STX8: variants seen among roughly 807,000 people sequenced by gnomAD.
STX8 encodes the protein syntaxin 8, also known as syntaxin-8.
STX8 carries 23 observed loss-of-function variants against 37.5 expected under a neutral mutation model. The ratio of observed to expected loss-of-function variants is 0.61; its 90% CI spans 0.44 to 0.87. The LOEUF is 0.87. Ranked by LOEUF, STX8 falls within the 40% of genes least tolerant of loss-of-function variation. The probability of loss-of-function intolerance (pLI) is 0.00; values close to 1 mark genes in which losing one functional copy is unlikely to be tolerated. For missense variants in STX8, 313 were observed against 284.7 expected (o/e 1.10, Z -0.71); for synonymous variants, 115 against 99.1 (o/e 1.16, Z -0.95).
chr17:9,431,570 C>T (rs1913984874), intron 6 of STX8, among the ~76,000 whole-genome samples: 1 of 152,172 alleles, frequency 6.6e-6, no homozygotes. Context: ...GCTGGGATTA[C>T]AGGCGTGAGC....
chr17:9,540,668 C>T (rs558750361), intron 4 of STX8: 7 of 152,214 alleles, frequency 4.6e-5, no homozygotes, highest in Admixed American at 1.3e-4. Context: ...TGTGTTATGT[C>T]CACGTCTACC....
intron 7 of STX8, among the ~76,000 whole-genome samples, chr17:9,279,152 G>A (rs1394193379): frequency 6.6e-6 from 1 of 151,656 alleles, no homozygotes; most frequent in Non-Finnish European, 1.5e-5. Flanking sequence ...CAACCTCCCG[G>A]GTTCAAGCAA....
intron 6 of STX8, among the ~76,000 whole-genome samples, chr17:9,400,910 A>C (rs1370324725): frequency 1.3e-5 from 2 of 152,172 alleles, no homozygotes; most frequent in African/African-American, 4.8e-5. Context: ...ATTATAGAAA[A>C]TGCTGTACAG....
At chr17:9,566,414 A>G (rs1289448729) in intron 2 of STX8, among the ~76,000 whole-genome samples, 1 of 152,250 alleles carries the variant, frequency 6.6e-6, no homozygotes, top group Non-Finnish European at 1.5e-5. Flanking sequence ...CAACGTACTA[A>G]AAACAGAAAT....
At chr17:9,434,908 G>A (rs1904370979) in intron 6 of STX8, among the ~76,000 whole-genome samples, 2 of 152,182 alleles carry the variant, frequency 1.3e-5, no homozygotes, top group Admixed American at 6.5e-5. Flanking sequence ...CCCATGGCAT[G>A]TTGCCACGGC....
intron 6 of STX8, among the ~76,000 whole-genome samples, chr17:9,462,532 G>A (rs1046735398): frequency 6.6e-6 from 1 of 152,114 alleles, no homozygotes; most frequent in African/African-American, 2.4e-5. Flanking sequence ...GACCAGCCTG[G>A]CCAACGTGGT....
intron 7 of STX8, among the ~76,000 whole-genome samples, chr17:9,343,045 CT>C: frequency 7.4e-6 from 1 of 134,430 alleles, no homozygotes; most frequent in East Asian, 2.1e-4. Flanking sequence ...AAAAAAAAAG[CT>C]GCAAATGTGA....
chr17:9,416,581 C>T (rs561609719), intron 6 of STX8, among the ~76,000 whole-genome samples: 1 of 152,018 alleles, frequency 6.6e-6, no homozygotes, highest in East Asian at 1.9e-4. Context: ...CTTGGCCAGG[C>T]TGGCCTTGAA....
chr17:9,575,028 AAT>A (rs1907845365), intron 1 of STX8, among the ~76,000 whole-genome samples: 1 of 152,220 alleles, frequency 6.6e-6, no homozygotes, highest in South Asian at 2.1e-4. Flanking sequence ...ATAGAGCTGT[AAT>A]ATGTTTTTAA....
At chr17:9,459,084 G>A (rs1905275751) in intron 6 of STX8, among the ~76,000 whole-genome samples, 1 of 152,004 alleles carries the variant, frequency 6.6e-6, no homozygotes, top group African/African-American at 2.4e-5. Flanking sequence ...CGCCTGCCTT[G>A]GCCTCCCAAA....
chr17:9,268,204 G>T (rs1907299448), intron 7 of STX8, among the ~76,000 whole-genome samples: 1 of 151,506 alleles, frequency 6.6e-6, no homozygotes, highest in African/African-American at 2.4e-5. Context: ...CTGGTCAACT[G>T]CTAACCTTTC....
At chr17:9,273,773 G>C (rs1314740302) in intron 7 of STX8, among the ~76,000 whole-genome samples, 1 of 152,246 alleles carries the variant, frequency 6.6e-6, no homozygotes, top group East Asian at 1.9e-4. Flanking sequence ...CTGCCTTGGC[G>C]ATTTCCCACG....
chr17:9,414,136 A>G (rs1913094395), intron 6 of STX8, among the ~76,000 whole-genome samples: 8 of 10,914 alleles, frequency 7.3e-4, no homozygotes, highest in South Asian at 2.5e-3. Flanking sequence ...CCAACCATCC[A>G]TCCATCCATC....
chr17:9,252,075 C>T (rs768968381), intron 7 of STX8, among the ~76,000 whole-genome samples: 26 of 151,912 alleles, frequency 1.7e-4, no homozygotes, highest in Non-Finnish European at 3.4e-4. Context: ...GAGGCCGAGG[C>T]GGGCAGATCA....
intron 7 of STX8, among the ~76,000 whole-genome samples, chr17:9,373,904 A>G (rs921377056): frequency 6.7e-6 from 1 of 149,872 alleles, no homozygotes; most frequent in Non-Finnish European, 1.5e-5. Context: ...GCACCATTGC[A>G]TTCCAGTCAG....
chr17:9,256,662 T>C (rs2142121218), intron 7 of STX8, among the ~76,000 whole-genome samples: 1 of 152,270 alleles, frequency 6.6e-6, no homozygotes, highest in East Asian at 1.9e-4. Flanking sequence ...ACTCCCCCAC[T>C]ACCCACATAA....
chr17:9,463,783 C>T (rs1268186145), intron 6 of STX8, among the ~76,000 whole-genome samples: 1 of 152,110 alleles, frequency 6.6e-6, no homozygotes, highest in East Asian at 1.9e-4. Context: ...TGGCGCATGC[C>T]TGTAATCCCA....
chr17:9,287,755 C>CT (rs1039946832), intron 7 of STX8, among the ~76,000 whole-genome samples: 17 of 149,052 alleles, frequency 1.1e-4, no homozygotes, highest in East Asian at 2.0e-4. Flanking sequence ...TTTTTACATT[C>CT]TTTTTTTTTT....
At chr17:9,377,119 T>TA (rs1415577248) in intron 7 of STX8, among the ~76,000 whole-genome samples, 16 of 152,042 alleles carry the variant, frequency 1.1e-4, no homozygotes, top group African/African-American at 3.1e-4. Flanking sequence ...CCTTCTTTCT[T>TA]ACTGAGCAAA....
Sources: gnomAD v4.1 joint callset for allele counts (sites outside exome capture counted in the v4.1 genomes callset) on GRCh38, gnomAD v4.1.1 for gene constraint, MANE v1.5 for transcripts, NCBI Gene and HGNC (gene_info 2026-07-23, HGNC 2026-07-21) for gene names.